The following MYCBP variants were observed in gnomAD, a reference collection of about 807,000 sequenced individuals.
MYCBP encodes C-Myc-binding protein.
In MYCBP, 5 loss-of-function variants were observed where a neutral mutation model predicts 16.8. That is an observed-to-expected ratio of 0.30 (90% confidence interval 0.16 to 0.63). MYCBP has a LOEUF of 0.63. MYCBP is among the 20% of genes least tolerant of loss of function. The probability of loss-of-function intolerance (pLI) is 0.83; values close to 1 mark genes in which losing one functional copy is unlikely to be tolerated. For missense variants in MYCBP, 103 were observed against 121.8 expected (o/e 0.85, Z 0.73); for synonymous variants, 35 against 43.7 (o/e 0.80, Z 0.79).
At chr1:38,870,164 C>T (rs1295360126) in intron 2 of MYCBP, among the ~76,000 whole-genome samples, 13 of 110,622 alleles carry the variant, frequency 1.2e-4, no homozygotes, top group African/African-American at 2.4e-4. Flanking sequence ...AGCAAGACTC[C>T]GTCTCAAAAA....
rs1348429179 is a variant in MYCBP at position 38,864,627 on chromosome 1, C to T, written c.*43G>A. On this transcript the variant is annotated 3_prime_UTR_variant, in exon 5 of 5. Transcript: ENST00000397572. ...TATATACTATACAAACTATTCAAGTCATACAAAACCATTTTTCATTGTCTT... is the reference window on the plus strand; with the variant it reads ...TATATACTATACAAACTATTCAAGTTATACAAAACCATTTTTCATTGTCTT... 5 of 1,597,062 alleles carry T rather than the reference C, an allele frequency of 3.1e-6. No homozygotes were observed. The highest frequency in any genetic ancestry group is 4.3e-6 in the Non-Finnish European group (5 of 1,164,764).
At chr1:38,869,694 C>T (rs1160352412) in intron 2 of MYCBP, among the ~76,000 whole-genome samples, 1 of 152,096 alleles carries the variant, frequency 6.6e-6, no homozygotes, top group Non-Finnish European at 1.5e-5. Flanking sequence ...CATCTTTAGC[C>T]ATCCTTTCAT....
In MYCBP at chr1:38,867,026, G is replaced by A. The variant is rs1642355833; in HGVS notation, c.138-17C>T. The stretch of plus-strand genomic sequence containing the variant: ...TTTAAAAAACTATTATCAATGTTAA[G>A]AACTTACTTCTTAGACATGAATGAA... On this transcript the variant is annotated splice_polypyrimidine_tract_variant and intron_variant, in intron 3 of 4. Transcript: ENST00000397572. 6.2e-7 allele frequency: 1 copy of A among 1,601,276 alleles called. No individual in the cohort carries two copies. Among genetic ancestry groups the A allele is most frequent in the African/African-American group, 1.3e-5 (1 of 74,728 alleles).
At chr1:38,867,423 G>A (rs936055162) in intron 3 of MYCBP, 139 bp downstream of exon 3, 44 of 718,154 alleles carry the variant, frequency 6.1e-5, no homozygotes, top group Non-Finnish European at 9.0e-5. Flanking sequence ...TTCCCCACCA[G>A]GTGACAGTAC....
intron 2 of MYCBP, among the ~76,000 whole-genome samples, chr1:38,872,012 T>C (rs1244593750): frequency 6.6e-6 from 1 of 152,238 alleles, no homozygotes; most frequent in Non-Finnish European, 1.5e-5. Context: ...TAAGACTTGC[T>C]GAAGTTTATT....
chr1:38,863,976 A>G lies in MYCBP; in HGVS notation c.*694T>C, dbSNP rs758720326. 2.0e-5 allele frequency: 3 copies of G among 152,722 alleles called. No individual in the cohort carries two copies. Among genetic ancestry groups the G allele is most frequent in the African/African-American group, 7.2e-5 (3 of 41,446 alleles). The allele number at this position is 152,722 out of a possible 1,614,324, so 9.5% of individuals were successfully genotyped here. A position where few individuals can be genotyped will look rare whatever the true frequency, so the allele number is the denominator to read the frequency against. On this transcript the variant is annotated 3_prime_UTR_variant, in exon 5 of 5. Transcript: ENST00000397572. ...CCTGTTTAAAGTTACATAAATTACA[A>G]TCAGGGTAACTGCTATTATTAGGCA...
intron 3 of MYCBP, 100 bp from the exon 4 acceptor site, chr1:38,867,109 C>A: frequency 9.0e-7 from 1 of 1,110,882 alleles, no homozygotes; most frequent in South Asian, 1.4e-5. Flanking sequence ...CCCACTTTAC[C>A]ACCAATATCT....
Position 38,868,871 on chromosome 1 carries a change from A to T in MYCBP, c.89-1261T>A, listed in dbSNP as rs937676436. ...CAGTGAGCCGAGATCGTGCCACTGC[A>T]CTCCAGCCTGGGCGATGGAGCAAGA... On this transcript the variant is annotated intron_variant, in intron 2 of 4. Transcript: ENST00000397572. Among the ~76,000 whole-genome samples the T allele has an allele frequency of 3.3e-5, 5 of 152,248 alleles. No homozygotes were observed. In the East Asian group the frequency reaches 5.8e-4, roughly 18 times the overall value.
At chr1:38,870,102 G>A (rs545301651) in intron 2 of MYCBP, among the ~76,000 whole-genome samples, 5 of 150,252 alleles carry the variant, frequency 3.3e-5, no homozygotes, top group South Asian at 2.1e-4. Flanking sequence ...CCCGGGAGGC[G>A]GAGCTTGCAG....
At chr1:38,865,659 G>A (rs1456937132) in intron 4 of MYCBP, among the ~76,000 whole-genome samples, 1 of 152,000 alleles carries the variant, frequency 6.6e-6, no homozygotes, top group East Asian at 1.9e-4. Context: ...AAAATTAGCC[G>A]AGCATGGTGG....
chr1:38,867,362 G>A lies in MYCBP; in HGVS notation c.137+200C>T, dbSNP rs554420692. Among the ~76,000 whole-genome samples, 10 of 151,398 alleles carry A rather than the reference G, an allele frequency of 6.6e-5. No individual in the cohort carries two copies. The East Asian group carries it at 1.4e-3, about 21-fold the overall frequency. On this transcript the variant is annotated intron_variant, in intron 3 of 4. Transcript: ENST00000397572. Reference sequence around the variant, plus strand: ...TTGGGAGACGTGAGGCAGGAGAATCGCTTGAAGCCAGGAGGCGGAGGTTGC... The same window carrying A: ...TTGGGAGACGTGAGGCAGGAGAATCACTTGAAGCCAGGAGGCGGAGGTTGC...
chr1:38,870,412 C>G (rs1353465318), intron 2 of MYCBP, among the ~76,000 whole-genome samples: 1 of 151,948 alleles, frequency 6.6e-6, no homozygotes, highest in East Asian at 1.9e-4. Context: ...AACGTCAACA[C>G]TTGGGGAAGC....
chr1:38,872,995 A>AC (rs1238564871), intron 2 of MYCBP, 23 bp downstream of exon 2: 1 of 1,560,638 alleles, frequency 6.4e-7, no homozygotes. Context: ...GGCACGAGGT[A>AC]CCCTCTCCTA....
At chr1:38,867,690 A>G (rs183025971) in intron 2 of MYCBP, 80 bp from the exon 3 acceptor site, 1 of 1,218,908 alleles carries the variant, frequency 8.2e-7, no homozygotes, top group African/African-American at 1.5e-5. Context: ...TACCCAGTAA[A>G]TATTAGGTGC....
chr1:38,872,873 G>T, intron 2 of MYCBP, 145 bp downstream of exon 2: 2 of 925,392 alleles, frequency 2.2e-6, no homozygotes, highest in Non-Finnish European at 3.2e-6. Context: ...CCAGGTCCCT[G>T]CTGAACCCCG....
intron 4 of MYCBP, 113 bp downstream of exon 4, chr1:38,866,767 T>C: frequency 1.1e-6 from 1 of 909,902 alleles, no homozygotes; most frequent in Non-Finnish European, 1.6e-6. Context: ...TTGTAATTAA[T>C]TCAAATTGAT....
upstream of MYCBP, chr1:38,873,372 C>A (rs1450367223): frequency 9.6e-5 from 150 of 1,563,596 alleles, 1 homozygote; most frequent in East Asian, 3.4e-3. Context: ...CAGCACTGCT[C>A]ATGCGCGGAA....
chr1:38,866,914 G>C lies in MYCBP; in HGVS notation c.233C>G (p.Ala78Gly). Residue 78 changes from alanine to glycine, a missense_variant, in exon 4 of 5, where the codon GCT (alanine) becomes GGT (glycine). Transcript: ENST00000397572. ...CAGTTTTTTATTTTCTTCTACAATA[G>C]CTTCATACTTCTCTTTCATTTCGGC... ...ELAEMKEKYE[A>G]IVEENKKLKA... 6.3e-7 allele frequency: 1 copy of C among 1,578,146 alleles called. No homozygotes were observed. Among genetic ancestry groups the C allele is most frequent in the Non-Finnish European group, 8.6e-7 (1 of 1,163,482 alleles).
intron 2 of MYCBP, among the ~76,000 whole-genome samples, chr1:38,868,188 C>A (rs576699883): frequency 1.3e-5 from 2 of 152,222 alleles, no homozygotes; most frequent in Non-Finnish European, 2.9e-5. Context: ...ACAGGAAGAA[C>A]AGTTAAAAGG....
Sources: allele counts gnomAD v4.1 joint callset (sites outside exome capture counted in the v4.1 genomes callset), GRCh38; gene constraint gnomAD v4.1.1; transcripts MANE v1.5; gene names NCBI Gene and HGNC (gene_info 2026-07-23, HGNC 2026-07-21).